Variants in BRSK2 observed in about 807,000 individuals in gnomAD.
BRSK2 encodes BR serine/threonine kinase 2.
BRSK2 carries 19 observed loss-of-function variants against 83.3 expected under a neutral mutation model. The ratio of observed to expected loss-of-function variants is 0.23; its 90% CI spans 0.16 to 0.33. The LOEUF (loss-of-function observed/expected upper bound fraction) is 0.33, where lower values mean the gene tolerates loss of function less well. Ranked by LOEUF, BRSK2 falls within the 10% of genes least tolerant of loss-of-function variation. The pLI is 1.00. For synonymous variants in BRSK2, 519 were observed against 435.4 expected (o/e 1.19, Z -2.39); for missense variants, 798 against 1,042.3 (o/e 0.77, Z 3.23).
At position 1,460,736 on chromosome 11, in the gene BRSK2, C is replaced by G. The variant is rs774527004; in HGVS notation, c.*13C>G. The G allele has an allele frequency of 1.6e-5, 23 of 1,405,950 alleles. No individual in the cohort carries two copies. Among genetic ancestry groups the G allele is most frequent in the South Asian group, 2.9e-5 (2 of 69,834 alleles). 87.1% of individuals were successfully genotyped at this position (1,405,950 alleles called of 1,614,324 possible). On this transcript the variant is annotated 3_prime_UTR_variant, in exon 20 of 20. Coordinates refer to ENST00000528841, the MANE Select transcript of BRSK2 (RefSeq NM_001256627.2). ...CGAGCAGCCTTAGACACACTAGCCC[C>G]CCCCCCCAGCACAGCACTGACAGCG...
chr11:1,439,414 G>C (rs1339237540), intron 3 of BRSK2, among the ~76,000 whole-genome samples: 3 of 152,142 alleles, frequency 2.0e-5, no homozygotes, highest in Non-Finnish European at 4.4e-5. Context: ...AGAGGACTGG[G>C]GGGGCGGGGG....
At chr11:1,428,953 G>C (rs1430411386) in intron 1 of BRSK2, among the ~76,000 whole-genome samples, 1 of 150,804 alleles carries the variant, frequency 6.6e-6, no homozygotes, top group Non-Finnish European at 1.5e-5. Flanking sequence ...GTGTGTGCAC[G>C]GGTGTGTGCC....
At chr11:1,395,604 C>T (rs1424770763) in intron 1 of BRSK2, among the ~76,000 whole-genome samples, 1 of 152,202 alleles carries the variant, frequency 6.6e-6, no homozygotes, top group African/African-American at 2.4e-5. Context: ...CCTGTCCCCA[C>T]CCACTGTGGC....
In BRSK2 at chr11:1,427,628, G is replaced by A. The variant is rs559798018; in HGVS notation, c.92-8412G>A. 7.9e-4 allele frequency among the ~76,000 whole-genome samples: 121 copies of A among 152,350 alleles called. 1 individual carries two copies. Among genetic ancestry groups the A allele is most frequent in the Non-Finnish European group, 1.2e-3 (83 of 68,022 alleles). On this transcript the variant is annotated intron_variant, in intron 1 of 19. Coordinates refer to ENST00000528841, the MANE Select transcript of BRSK2 (RefSeq NM_001256627.2). ...GGCCTGGCGTGAGCTGCTGTGCACC[G>A]CCTGCCCCCTCAGGGCCCTGGGCAG...
intron 1 of BRSK2, among the ~76,000 whole-genome samples, chr11:1,398,700 C>T (rs908798225): frequency 1.3e-5 from 2 of 152,194 alleles, no homozygotes; most frequent in African/African-American, 4.8e-5. Context: ...GGCCCCAGTC[C>T]GCATAGGCCT....
intron 1 of BRSK2, among the ~76,000 whole-genome samples, chr11:1,404,718 C>T (rs192658852): frequency 5.6e-4 from 86 of 152,342 alleles, no homozygotes; most frequent in African/African-American, 1.9e-3. Context: ...GGGCTTGCAG[C>T]CCCTGCCTCT....
intron 1 of BRSK2, among the ~76,000 whole-genome samples, chr11:1,405,824 C>A (rs970379237): frequency 3.3e-5 from 5 of 152,142 alleles, no homozygotes; most frequent in Non-Finnish European, 4.4e-5. Flanking sequence ...TGCCTACCTG[C>A]GTGGCAGTGA....
Position 1,461,226 on chromosome 11 carries a change from C to A in BRSK2, c.*503C>A. The stretch of plus-strand genomic sequence containing the variant: ...TCACCTGACCCCTCAGCAAGAACAG[C>A]CTGCCTGGTGGCCTTCTGGGGCCAG... On this transcript the variant is annotated 3_prime_UTR_variant, in exon 20 of 20. Coordinates refer to ENST00000528841, the MANE Select transcript of BRSK2 (RefSeq NM_001256627.2). The A allele has an allele frequency of 1.6e-6, 1 of 616,210 alleles. No individual in the cohort carries two copies. Among genetic ancestry groups the A allele is most frequent in the South Asian group, 2.1e-5 (1 of 47,720 alleles). 38.2% of individuals were successfully genotyped at this position (616,210 alleles called of 1,614,324 possible).
chr11:1,436,847 C>T lies in BRSK2; in HGVS notation c.186+713C>T, dbSNP rs114095240. 4.3e-3 allele frequency among the ~76,000 whole-genome samples: 659 copies of T among 152,200 alleles called. 3 individuals carry two copies. Among genetic ancestry groups the T allele is most frequent in the African/African-American group, 0.015 (632 of 41,534 alleles). On this transcript the variant is annotated intron_variant, in intron 2 of 19. Coordinates refer to ENST00000528841, the MANE Select transcript of BRSK2 (RefSeq NM_001256627.2). The stretch of plus-strand genomic sequence containing the variant: ...GCAGGGCTGCGGGTGGGGCAGGACC[C>T]GGGGACGAGGCCAGTGGGAGTGGCC...
At chr11:1,441,326 C>T (rs1851254342) in intron 4 of BRSK2, among the ~76,000 whole-genome samples, 1 of 50,646 alleles carries the variant, frequency 2.0e-5, no homozygotes, top group Non-Finnish European at 3.8e-5. Context: ...TTAACTACCC[C>T]TCAAGTGCAC....
rs1427354272 is a variant in BRSK2 at position 1,445,646 on chromosome 11, C to T, written c.1053C>T (p.Asp351=). 5.0e-6 allele frequency: 8 copies of T among 1,591,918 alleles called. No homozygotes were observed. Among genetic ancestry groups the T allele is most frequent in the Non-Finnish European group, 6.0e-6 (7 of 1,169,618 alleles). The part of the protein sequence containing the change: ...KERYPSQEDE[D]LPPRNEIDPP... Reference sequence around the variant, plus strand: ...GGTACCCGAGCCAGGAGGATGAGGACCTGCCCCCCCGGAACGAGATAGGTA... The same window carrying T: ...GGTACCCGAGCCAGGAGGATGAGGATCTGCCCCCCCGGAACGAGATAGGTA... Residue 351 remains aspartate, a synonymous_variant, in exon 11 of 20, where the codon GAC becomes GAT. Transcript: ENST00000528841.
At chr11:1,391,154 G>T (rs1475783185) in intron 1 of BRSK2, among the ~76,000 whole-genome samples, 1 of 152,236 alleles carries the variant, frequency 6.6e-6, no homozygotes, top group Admixed American at 6.5e-5. Flanking sequence ...CCTCGCATGT[G>T]GCCAACTCTC....
chr11:1,454,500 C>T lies in BRSK2; in HGVS notation c.1560C>T (p.Ser520=), dbSNP rs1846233271. 1.9e-6 allele frequency: 3 copies of T among 1,613,126 alleles called. No individual in the cohort carries two copies. The East Asian group carries it at 6.7e-5, about 36-fold the overall frequency. ...CACTGCCCAGGCTGGCGAAGAAGTC[C>T]TGGTTTGGGAACTTCATCAGCCTGG... ...PESSPELAKK[S]WFGNFISLEK... The change falls in exon 16 of 20, where the codon TCC becomes TCT. Residue 520 remains serine, a synonymous_variant. Coordinates refer to ENST00000528841, the MANE Select transcript of BRSK2 (RefSeq NM_001256627.2). This position sits in a 1 kb window ranked among gnomAD's most constrained non-coding sequence, Gnocchi z 5.2.
chr11:1,422,315 C>G (rs972105426), intron 1 of BRSK2, among the ~76,000 whole-genome samples: 1 of 152,152 alleles, frequency 6.6e-6, no homozygotes, highest in Admixed American at 6.5e-5. Flanking sequence ...GCCTGCCCTC[C>G]TCCAGCCGCT....
intron 1 of BRSK2, among the ~76,000 whole-genome samples, chr11:1,396,952 C>A (rs371985057): frequency 4.6e-4 from 70 of 152,340 alleles, no homozygotes; most frequent in African/African-American, 1.5e-3. Context: ...ATGGGGTTTC[C>A]CTGAAGCTTG....
Position 1,460,741 on chromosome 11 carries a change from C to CT in BRSK2, c.*18_*19insT. 7.1e-7 allele frequency: 1 copy of CT among 1,413,868 alleles called. No homozygotes were observed. Among genetic ancestry groups the CT allele is most frequent in the African/African-American group, 1.5e-5 (1 of 65,588 alleles). The allele number at this position is 1,413,868 out of a possible 1,614,324, so 87.6% of individuals were successfully genotyped here. A position where few individuals can be genotyped will look rare whatever the true frequency, so the allele number is the denominator to read the frequency against. ...AGCCTTAGACACACTAGCCCCCCCC[C>CT]CCAGCACAGCACTGACAGCGGCTGC... On this transcript the variant is annotated 3_prime_UTR_variant, in exon 20 of 20. Coordinates refer to ENST00000528841, the MANE Select transcript of BRSK2 (RefSeq NM_001256627.2).
chr11:1,398,960 C>T (rs771016638), intron 1 of BRSK2, among the ~76,000 whole-genome samples: 7 of 152,206 alleles, frequency 4.6e-5, no homozygotes, highest in Non-Finnish European at 8.8e-5. Context: ...CCCTGGCTTT[C>T]GTCCTGCGCC....
chr11:1,405,599 G>A (rs577740881), intron 1 of BRSK2, among the ~76,000 whole-genome samples: 1 of 152,182 alleles, frequency 6.6e-6, no homozygotes, highest in South Asian at 2.1e-4. Context: ...ATGGGGGACC[G>A]ACCAGCGGCG....
Position 1,393,640 on chromosome 11 carries a change from G to T in BRSK2, c.91+3265G>T, listed in dbSNP as rs1845868010. 2.6e-5 allele frequency among the ~76,000 whole-genome samples: 4 copies of T among 152,290 alleles called. No individual in the cohort carries two copies. In the South Asian group the frequency reaches 8.3e-4, roughly 32 times the overall value. The stretch of plus-strand genomic sequence containing the variant: ...ATGGCCTTTAGGAAGGTTGAGCCCT[G>T]GTGGCTGCCAGGGTGGAGAGGGGTC... On this transcript the variant is annotated intron_variant, in intron 1 of 19. Transcript: ENST00000528841.
Sources: gnomAD v4.1 joint callset for allele counts (sites outside exome capture counted in the v4.1 genomes callset) on GRCh38, gnomAD v4.1.1 for gene constraint, Gnocchi (gnomAD v3.1) non-coding constraint, MANE v1.5 for transcripts, NCBI Gene and HGNC (gene_info 2026-07-23, HGNC 2026-07-21) for gene names.